Variants in KCNMA1 observed in about 807,000 individuals in gnomAD.
The protein encoded by KCNMA1 is potassium calcium-activated channel subfamily M alpha 1.
A neutral mutation model predicts 140.0 loss-of-function variants in KCNMA1; 29 were observed. That is an observed-to-expected ratio of 0.21 (90% confidence interval 0.15 to 0.28). The LOEUF (loss-of-function observed/expected upper bound fraction) is 0.28, where lower values mean the gene tolerates loss of function less well. Among genes scored for constraint, KCNMA1 ranks in the 10% least tolerant of loss-of-function variants. The pLI is 1.00. For synonymous variants in KCNMA1, 612 were observed against 611.9 expected, an observed-to-expected ratio of 1.00 and a Z score of 0.00; for missense variants, 880 against 1,602.2, an observed-to-expected ratio of 0.55 and a Z score of 7.70.
At chr10:77,516,919 C>T (rs1467097439) in intron 1 of KCNMA1, among the ~76,000 whole-genome samples, 1 of 150,570 alleles carries the variant, frequency 6.6e-6, no homozygotes, top group Non-Finnish European at 1.5e-5. Context: ...ATGTGCATCA[C>T]TGGGGAACAG....
At chr10:77,251,133 T>G in intron 3 of KCNMA1, 62 bp downstream of exon 3, 2 of 1,295,888 alleles carry the variant, frequency 1.5e-6, no homozygotes, top group Non-Finnish European at 2.2e-6. Context: ...AATAAATGGA[T>G]CAATGTAAAG....
intron 23 of KCNMA1, among the ~76,000 whole-genome samples, chr10:76,922,076 T>C (rs1341731713): frequency 6.6e-6 from 1 of 152,190 alleles, no homozygotes; most frequent in African/African-American, 2.4e-5. Flanking sequence ...TGCCAATTTG[T>C]GACTCCCCCG....
At chr10:77,293,843 C>T (rs1260400103) in intron 2 of KCNMA1, among the ~76,000 whole-genome samples, 1 of 152,226 alleles carries the variant, frequency 6.6e-6, no homozygotes, top group Non-Finnish European at 1.5e-5. Flanking sequence ...ACTAATCTGG[C>T]ATTTAGGTTG....
At chr10:76,880,551 G>C (rs572048026), downstream of KCNMA1, among the ~76,000 whole-genome samples, 28 of 152,280 alleles carry the variant, frequency 1.8e-4, no homozygotes, top group African/African-American at 5.5e-4. Flanking sequence ...TAAAATGTCT[G>C]GTGCAAAGGT....
At chr10:77,462,321 A>G (rs2097891516) in intron 1 of KCNMA1, among the ~76,000 whole-genome samples, 1 of 152,156 alleles carries the variant, frequency 6.6e-6, no homozygotes, top group African/African-American at 2.4e-5. Flanking sequence ...AAACATATAT[A>G]CACTTAAATA....
rs116418074 is a variant in KCNMA1, at chr10:77,127,330, G to A, written c.809-6282C>T. ...ACAGTGTATCCAGCATAGTTTGAAAGCAACAGAGCCAAGTTTCACCACAAA... is the reference window on the plus strand; with the variant it reads ...ACAGTGTATCCAGCATAGTTTGAAAACAACAGAGCCAAGTTTCACCACAAA... On this transcript the variant is annotated intron_variant, in intron 5 of 27. Coordinates refer to ENST00000286628, the MANE Select transcript of KCNMA1 (RefSeq NM_001161352.2). Among the ~76,000 whole-genome samples the A allele has an allele frequency of 8.0e-3, 1,223 of 152,086 alleles. 14 individuals are homozygous for A. The highest frequency in any genetic ancestry group is 0.028 in the African/African-American group (1,167 of 41,450).
chr10:77,392,570 A>T (rs1480826626), intron 2 of KCNMA1, among the ~76,000 whole-genome samples: 1 of 152,236 alleles, frequency 6.6e-6, no homozygotes. Context: ...TGCACTTTGC[A>T]GCTTTTGCTG....
At chr10:76,937,945 C>G (rs565909298) in intron 23 of KCNMA1, among the ~76,000 whole-genome samples, 44 of 148,042 alleles carry the variant, frequency 3.0e-4, no homozygotes, top group Non-Finnish European at 5.6e-4. Flanking sequence ...GTGTGTGTGT[C>G]TGTGTGTCTA....
At chr10:77,544,023 T>G (rs1371529320) in intron 1 of KCNMA1, among the ~76,000 whole-genome samples, 4 of 152,320 alleles carry the variant, frequency 2.6e-5, no homozygotes, top group Non-Finnish European at 5.9e-5. Flanking sequence ...TTCCTTTAGA[T>G]GTACTTGTTT....
chr10:77,568,835 C>A (rs1241701989), intron 1 of KCNMA1, among the ~76,000 whole-genome samples: 1 of 151,288 alleles, frequency 6.6e-6, no homozygotes, highest in Admixed American at 6.6e-5. Context: ...TCTAGAAAAC[C>A]CCATTGTCTC....
chr10:77,025,462 A>C, intron 16 of KCNMA1: 1 of 1,600,828 alleles, frequency 6.2e-7, no homozygotes, highest in Non-Finnish European at 8.5e-7. Context: ...CGGCTTCTGC[A>C]AAACGACAAG....
At chr10:77,128,129 T>C (rs1384153613) in intron 5 of KCNMA1, among the ~76,000 whole-genome samples, 2 of 152,190 alleles carry the variant, frequency 1.3e-5, no homozygotes, top group Non-Finnish European at 2.9e-5. Context: ...TTCTCTAAAG[T>C]GCTTTAGAGT....
At chr10:77,426,842 C>T (rs531268126) in intron 1 of KCNMA1, among the ~76,000 whole-genome samples, 19 of 152,242 alleles carry the variant, frequency 1.2e-4, no homozygotes, top group Non-Finnish European at 2.5e-4. Flanking sequence ...GCCCCACCTC[C>T]TTCCAGGGCC....
chr10:77,089,384 C>T (rs1213223765), intron 10 of KCNMA1, among the ~76,000 whole-genome samples: 1 of 152,160 alleles, frequency 6.6e-6, no homozygotes, highest in Non-Finnish European at 1.5e-5. Context: ...CCAGGACTGG[C>T]CCCATGACAG....
At chr10:77,042,531 C>A (rs1474390250) in intron 14 of KCNMA1, among the ~76,000 whole-genome samples, 1 of 152,142 alleles carries the variant, frequency 6.6e-6, no homozygotes, top group African/African-American at 2.4e-5. Flanking sequence ...ATAATTCAGC[C>A]TATTCTTTTC....
At chr10:76,953,426 A>G (rs2152985263) in intron 21 of KCNMA1, among the ~76,000 whole-genome samples, 1 of 152,148 alleles carries the variant, frequency 6.6e-6, no homozygotes, top group East Asian at 1.9e-4. Context: ...CTTTTTACAG[A>G]TAAGAAAACC....
intron 19 of KCNMA1, chr10:76,973,257 C>T (rs1016464030): frequency 6.6e-6 from 1 of 152,212 alleles, no homozygotes; most frequent in East Asian, 1.9e-4. Flanking sequence ...AGGAATCTAA[C>T]GTGGAATTTT....
At chr10:77,165,798 T>C (rs2098634796) in intron 5 of KCNMA1, among the ~76,000 whole-genome samples, 1 of 152,230 alleles carries the variant, frequency 6.6e-6, no homozygotes, top group Admixed American at 6.5e-5. Flanking sequence ...GGGAGTCTTA[T>C]AAGAGTTATT....
At chr10:77,500,563 G>T (rs567574382) in intron 1 of KCNMA1, among the ~76,000 whole-genome samples, 1 of 152,292 alleles carries the variant, frequency 6.6e-6, no homozygotes, top group South Asian at 2.1e-4. Flanking sequence ...CAAGGCAAAA[G>T]ACATTAAATA....
Sources: gnomAD v4.1 joint callset for allele counts (sites outside exome capture counted in the v4.1 genomes callset) on GRCh38, gnomAD v4.1.1 for gene constraint, MANE v1.5 for transcripts, NCBI Gene and HGNC (gene_info 2026-07-23, HGNC 2026-07-21) for gene names.